ZDHHC15: variants seen among roughly 807,000 people sequenced by gnomAD.
ZDHHC15 encodes the protein zDHHC palmitoyltransferase 15.
ZDHHC15 carries 19 observed loss-of-function variants against 31.7 expected under a neutral mutation model. The observed-to-expected ratio is 0.60, with a 90% CI of 0.42 to 0.88. The LOEUF (loss-of-function observed/expected upper bound fraction) is 0.88, where lower values mean the gene tolerates loss of function less well. Among genes scored for constraint, ZDHHC15 ranks in the 40% least tolerant of loss-of-function variants. The probability of loss-of-function intolerance (pLI) is 0.00; values close to 1 mark genes in which losing one functional copy is unlikely to be tolerated. For missense variants in ZDHHC15, 209 were observed against 251.2 expected (o/e 0.83, Z 1.14); for synonymous variants, 103 against 90.0 (o/e 1.14, Z -0.82).
intron 11 of ZDHHC15, among the ~76,000 whole-genome samples, chrX:75,376,601 G>A (rs12390842): frequency 0.58 from 64,421 of 110,327 alleles, 16,906 homozygotes; most frequent in Non-Finnish European, 0.82. Flanking sequence ...TAAGGGTCCA[G>A]TTTCAGTCTT....
intron 2 of ZDHHC15, among the ~76,000 whole-genome samples, chrX:75,479,235 C>T (rs944756790): frequency 8.9e-6 from 1 of 111,877 alleles, no homozygotes; most frequent in African/African-American, 3.2e-5. Flanking sequence ...GGGGAAATGT[C>T]CTTTATGACA....
intron 4 of ZDHHC15, among the ~76,000 whole-genome samples, chrX:75,448,890 A>G (rs1157632193): frequency 9.0e-6 from 1 of 110,767 alleles, no homozygotes; most frequent in Non-Finnish European, 1.9e-5. Context: ...ATTCGAATCT[A>G]GACTGTGTAA....
chrX:75,517,347 T>G (rs1432780230), intron 1 of ZDHHC15, among the ~76,000 whole-genome samples: 1 of 110,457 alleles, frequency 9.1e-6, no homozygotes, highest in Non-Finnish European at 1.9e-5. Flanking sequence ...CAAATGCCCA[T>G]CAATGATAGA....
chrX:75,457,719 G>A (rs771678308), intron 3 of ZDHHC15, among the ~76,000 whole-genome samples: 1 of 108,446 alleles, frequency 9.2e-6, no homozygotes. Flanking sequence ...CCCTATGTAT[G>A]GTTCCACATT....
At chrX:75,473,817 C>G (rs1482229774) in intron 3 of ZDHHC15, among the ~76,000 whole-genome samples, 3 of 111,802 alleles carry the variant, frequency 2.7e-5, no homozygotes, top group African/African-American at 9.8e-5. Context: ...AAGAAAATAT[C>G]TTCCATTTCC....
intron 2 of ZDHHC15, among the ~76,000 whole-genome samples, chrX:75,500,906 A>G (rs2148037379): frequency 9.1e-6 from 1 of 110,474 alleles, no homozygotes; most frequent in African/African-American, 3.3e-5. Flanking sequence ...TTAATGTATT[A>G]CCAATAAATT....
chrX:75,516,610 T>A (rs1403773320), intron 1 of ZDHHC15, among the ~76,000 whole-genome samples: 8 of 112,320 alleles, frequency 7.1e-5, no homozygotes, highest in Admixed American at 2.8e-4. Context: ...GACTTAAATG[T>A]TAGACCTAAA....
Position 75,495,087 on chromosome X carries a change from G to GA in ZDHHC15, c.163+10733dup, listed in dbSNP as rs762534983. 1.5e-4 allele frequency among the ~76,000 whole-genome samples: 16 copies of GA among 110,234 alleles called. 1 individual carries two copies. In the South Asian group the frequency reaches 5.4e-3, roughly 37 times the overall value. On this transcript the variant is annotated intron_variant, in intron 2 of 11. Transcript: ENST00000373367. Reference sequence around the variant, plus strand: ...ACAATGAACTTAAACAAATTTTCAAGAAAAAAAACAACCCCATCAAAAAGT... The same window carrying GA: ...ACAATGAACTTAAACAAATTTTCAAGAAAAAAAAACAACCCCATCAAAAAGT...
At chrX:75,392,008 T>G (rs1236466729) in intron 10 of ZDHHC15, among the ~76,000 whole-genome samples, 1 of 112,736 alleles carries the variant, frequency 8.9e-6, no homozygotes, top group Admixed American at 9.3e-5. Flanking sequence ...TTTGTTTGTT[T>G]ATGCAATTAG....
At chrX:75,380,485 T>A (rs1260332513) in intron 10 of ZDHHC15, among the ~76,000 whole-genome samples, 1 of 111,549 alleles carries the variant, frequency 9.0e-6, no homozygotes, top group East Asian at 2.8e-4. Context: ...TACACTCTTA[T>A]TTGGCACAGA....
intron 2 of ZDHHC15, among the ~76,000 whole-genome samples, chrX:75,494,859 G>C (rs1372257397): frequency 8.9e-6 from 1 of 111,776 alleles, no homozygotes; most frequent in Non-Finnish European, 1.9e-5. Flanking sequence ...ATACCATTCA[G>C]GACATAGGCA....
At chrX:75,480,646 T>G (rs2147983093) in intron 2 of ZDHHC15, among the ~76,000 whole-genome samples, 1 of 110,971 alleles carries the variant, frequency 9.0e-6, no homozygotes, top group African/African-American at 3.3e-5. Context: ...AATAGTGTGT[T>G]TTTCCACAAA....
chrX:75,463,607 A>AAC (rs58345977), intron 3 of ZDHHC15, among the ~76,000 whole-genome samples: 13 of 56,208 alleles, frequency 2.3e-4, no homozygotes, highest in African/African-American at 4.9e-4. Context: ...ACAACAACAA[A>AAC]AAACCCATCA....
At chrX:75,436,531 G>A (rs780774463) in intron 4 of ZDHHC15, among the ~76,000 whole-genome samples, 1 of 111,682 alleles carries the variant, frequency 9.0e-6, no homozygotes, top group South Asian at 3.8e-4. Flanking sequence ...GATAGGTTGT[G>A]TTACTATTAT....
intron 10 of ZDHHC15, among the ~76,000 whole-genome samples, chrX:75,381,059 C>A (rs1353503219): frequency 9.0e-6 from 1 of 111,299 alleles, no homozygotes; most frequent in Non-Finnish European, 1.9e-5. Flanking sequence ...GGTTGAGTCA[C>A]CACTGCTTTA....
intron 10 of ZDHHC15, among the ~76,000 whole-genome samples, chrX:75,391,080 C>T (rs2083237374): frequency 9.0e-6 from 1 of 111,705 alleles, no homozygotes; most frequent in African/African-American, 3.3e-5. Context: ...CAATTGAATA[C>T]TGACGAATGC....
Position 75,486,193 on chromosome X carries a change from G to T in ZDHHC15, c.164-7208C>A, listed in dbSNP as rs886870803. ...AAACCTGAAAATCCAGATCACCAGAGAAAGATTTAACCTTACGTAGAGCTG... is the reference window on the plus strand; with the variant it reads ...AAACCTGAAAATCCAGATCACCAGATAAAGATTTAACCTTACGTAGAGCTG... On this transcript the variant is annotated intron_variant, in intron 2 of 11. Transcript: ENST00000373367. Among the ~76,000 whole-genome samples the T allele has an allele frequency of 2.7e-5, 3 of 112,296 alleles. No individual in the cohort carries two copies. In the South Asian group the frequency reaches 1.1e-3, roughly 42 times the overall value.
intron 1 of ZDHHC15, among the ~76,000 whole-genome samples, chrX:75,518,369 C>A (rs991527014): frequency 2.9e-4 from 32 of 110,640 alleles, no homozygotes; most frequent in African/African-American, 1.1e-3. Context: ...CAAACAAGTA[C>A]ATAAAAAGAT....
At chrX:75,469,246 T>A (rs2084465107) in intron 3 of ZDHHC15, among the ~76,000 whole-genome samples, 1 of 111,952 alleles carries the variant, frequency 8.9e-6, no homozygotes, top group Admixed American at 9.5e-5. Flanking sequence ...ATGTGATAAA[T>A]ATGTGTAATG....
Sources: gnomAD v4.1 joint callset for allele counts (sites outside exome capture counted in the v4.1 genomes callset) on GRCh38, gnomAD v4.1.1 for gene constraint, MANE v1.5 for transcripts, NCBI Gene and HGNC (gene_info 2026-07-23, HGNC 2026-07-21) for gene names.